Variants in ALS2 observed in about 807,000 individuals in gnomAD.
ALS2 encodes the protein alsin.
Under a neutral mutation model 203.4 loss-of-function variants are expected in ALS2, and 117 were observed. That is an observed-to-expected ratio of 0.58 (90% CI 0.50 to 0.67). The LOEUF (loss-of-function observed/expected upper bound fraction) is 0.67. ALS2 is among the 30% of genes least tolerant of loss of function. The pLI is 0.00. For synonymous variants in ALS2, 718 were observed against 725.9 expected (o/e 0.99, Z 0.17); for missense variants, 1,715 against 1,989.4 (o/e 0.86, Z 2.62).
At chr2:201,743,380 T>A (rs956630773) in intron 10 of ALS2, among the ~76,000 whole-genome samples, 3 of 152,194 alleles carry the variant, frequency 2.0e-5, no homozygotes, top group African/African-American at 7.2e-5. Flanking sequence ...CATCTAGTAC[T>A]ACTGTAACCC....
chr2:201,727,844 C>G, intron 15 of ALS2, 69 bp from the exon 16 acceptor site: 1 of 1,407,402 alleles, frequency 7.1e-7, no homozygotes, highest in Non-Finnish European at 9.8e-7. Flanking sequence ...GCCCATATCC[C>G]CTTCATGTCA....
Position 201,754,536 on chromosome 2 carries a change from T to C in ALS2, c.1607A>G (p.Glu536Gly). 6.2e-7 allele frequency: 1 copy of C among 1,614,110 alleles called. No individual in the cohort carries two copies. The highest frequency in any genetic ancestry group is 8.5e-7 in the Non-Finnish European group (1 of 1,179,996). ...TEVWTWGKGK[E>G]GQLGHGDVLP... ...AACATCGCCGTGCCCCAGCTGCCCT[T>C]CCTTCCCTTTCCCCCAGGTCCACAC... is the stretch of plus-strand genomic sequence containing the variant. The change falls in exon 6 of 34, where the codon GAA (glutamate) becomes GGA (glycine). Residue 536 changes from glutamate (E) to glycine (G), a missense_variant. Coordinates refer to ENST00000264276, the MANE Select transcript of ALS2 (RefSeq NM_020919.4).
chr2:201,710,444 A>AG (rs1689968157), intron 26 of ALS2, among the ~76,000 whole-genome samples: 1 of 151,648 alleles, frequency 6.6e-6, no homozygotes, highest in Non-Finnish European at 1.5e-5. Flanking sequence ...AAAAAAAAAA[A>AG]AGAATACAAA....
Position 201,753,169 on chromosome 2 carries a change from G to A in ALS2, c.1714C>T (p.Leu572Phe). Reference protein sequence around the residue: ...IHLEAGGYHSLALTAKSQVYS... With the variant: ...IHLEAGGYHSFALTAKSQVYS... Reference sequence around the variant, plus strand: ...ACCTGGGATTTCGCAGTAAGTGCAAGAGAATGGTAACCACCTGCCTCCAGA... The same window carrying A: ...ACCTGGGATTTCGCAGTAAGTGCAAAAGAATGGTAACCACCTGCCTCCAGA... The change falls in exon 7 of 34, where the codon CTT becomes TTT. Residue 572 changes from leucine (L) to phenylalanine (F), a missense_variant. Transcript: ENST00000264276. 1 of 1,614,130 alleles carries A rather than the reference G, an allele frequency of 6.2e-7. No individual in the cohort carries two copies. Among genetic ancestry groups the A allele is most frequent in the Non-Finnish European group, 8.5e-7 (1 of 1,179,980 alleles).
chr2:201,733,191 C>A lies in ALS2; in HGVS notation c.2580+85G>T, dbSNP rs949596383. Reference sequence around the variant, plus strand: ...AGGTAAATATTAAATTACTGGAGTTCCAGATCTTGTGGTGGCATAATCCAT... The same window carrying A: ...AGGTAAATATTAAATTACTGGAGTTACAGATCTTGTGGTGGCATAATCCAT... On this transcript the variant is annotated intron_variant, in intron 13 of 33. Transcript: ENST00000264276. 4.3e-6 allele frequency: 6 copies of A among 1,395,752 alleles called. No individual in the cohort carries two copies. In the African/African-American group the frequency reaches 4.3e-5, roughly 10 times the overall value. 86.5% of individuals were successfully genotyped at this position (1,395,752 alleles called of 1,614,324 possible).
intron 10 of ALS2, among the ~76,000 whole-genome samples, chr2:201,742,403 T>G (rs1981725): frequency 0.55 from 83,410 of 152,112 alleles, 25,486 homozygotes; most frequent in Admixed American, 0.7. Context: ...ATTTCAGAGA[T>G]GGCACCAGGA....
intron 7 of ALS2, 45 bp from the exon 8 acceptor site, chr2:201,749,834 T>C (rs745745765): frequency 6.8e-7 from 1 of 1,469,756 alleles, no homozygotes. Flanking sequence ...GTGAATCTGA[T>C]TTTGCACATC....
At chr2:201,727,634 T>C (rs937948977) in intron 16 of ALS2, 71 bp downstream of exon 16, 12 of 1,388,450 alleles carry the variant, frequency 8.6e-6, no homozygotes, top group Non-Finnish European at 1.0e-5. Context: ...CTGAGCTTTT[T>C]TTCACATTTA....
chr2:201,722,173 A>G (rs970768775), intron 23 of ALS2: 2 of 152,238 alleles, frequency 1.3e-5, no homozygotes, highest in African/African-American at 4.8e-5. Flanking sequence ...ACAAAATTTT[A>G]GAAATAGGCC....
chr2:201,722,511 T>C (rs1231225098), intron 23 of ALS2: 1 of 152,806 alleles, frequency 6.5e-6, no homozygotes, highest in South Asian at 2.1e-4. Context: ...TGAAAACATA[T>C]GTCTACACAA....
intron 1 of ALS2, among the ~76,000 whole-genome samples, chr2:201,777,377 C>CAA (rs774307308): frequency 1.1e-4 from 17 of 152,032 alleles, no homozygotes; most frequent in East Asian, 9.6e-4. Flanking sequence ...ACATTCCTTT[C>CAA]TTATTGCAGG....
intron 1 of ALS2, among the ~76,000 whole-genome samples, chr2:201,772,299 C>CAAT (rs1694429247): frequency 6.6e-6 from 1 of 151,580 alleles, no homozygotes; most frequent in Non-Finnish European, 1.5e-5. Context: ...ACAACAACAA[C>CAAT]AATCTAGTCT....
chr2:201,704,658 T>C (rs1309548795), intron 31 of ALS2, 55 bp from the exon 32 acceptor site: 1 of 1,603,102 alleles, frequency 6.2e-7, no homozygotes, highest in African/African-American at 1.3e-5. Flanking sequence ...ATAAAGCCAT[T>C]TGATCGTGCT....
At chr2:201,771,539 T>C (rs746331752) in intron 1 of ALS2, among the ~76,000 whole-genome samples, 1 of 152,206 alleles carries the variant, frequency 6.6e-6, no homozygotes, top group Non-Finnish European at 1.5e-5. Flanking sequence ...TATACTTAAG[T>C]AAGGGTGGTA....
chr2:201,716,281 C>T (rs946048009), intron 24 of ALS2, among the ~76,000 whole-genome samples: 6 of 151,442 alleles, frequency 4.0e-5, no homozygotes, highest in South Asian at 4.2e-4. Context: ...TGGTGGCTCA[C>T]GCCTGTAATC....
rs990015816 is a variant in ALS2 at position 201,748,520 on chromosome 2, CTT to C, written c.1815+1190_1815+1191del. Among the ~76,000 whole-genome samples, 9 of 152,278 alleles carry C rather than the reference CTT, an allele frequency of 5.9e-5. 1 individual carries two copies. The highest frequency in any genetic ancestry group is 1.9e-4 in the African/African-American group (8 of 41,572). ...CTAAAATCTTGTAACAAACTATTCTCTTGTTTGCTCTAAAATGTTAAAAAGGA... is the reference window on the plus strand; with the variant it reads ...CTAAAATCTTGTAACAAACTATTCTCGTTTGCTCTAAAATGTTAAAAAGGA... On this transcript the variant is annotated intron_variant, in intron 8 of 33. Transcript: ENST00000264276.
In ALS2 at chr2:201,710,040, T is replaced by C. The variant is rs1213175712; in HGVS notation, c.4123-2A>G. The C allele has an allele frequency of 1.2e-5, 20 of 1,613,780 alleles. No individual in the cohort carries two copies. Among genetic ancestry groups the C allele is most frequent in the Non-Finnish European group, 1.6e-5 (19 of 1,179,774 alleles). On this transcript the variant is annotated splice_acceptor_variant, in intron 26 of 33. Transcript: ENST00000264276. LOFTEE classifies it high-confidence loss of function. ...GGGGTGCAGAGGAGTGTCACAGGCC[T>C]GAGTAGGAAAAGAATCAATGAAGTC... is the stretch of plus-strand genomic sequence containing the variant.
At chr2:201,760,569 G>T in intron 4 of ALS2, 1 of 1,148,724 alleles carries the variant, frequency 8.7e-7, no homozygotes, top group Non-Finnish European at 1.1e-6. Context: ...ACTATTCAGG[G>T]CCCACCAAAA....
chr2:201,765,865 T>C (rs998106987), intron 3 of ALS2: 5 of 167,116 alleles, frequency 3.0e-5, no homozygotes, highest in African/African-American at 1.2e-4. Context: ...TTCAGCCAAG[T>C]GGCTTTAAAA....
Sources: allele counts gnomAD v4.1 joint callset (sites outside exome capture counted in the v4.1 genomes callset), GRCh38; gene constraint gnomAD v4.1.1; transcripts MANE v1.5; gene names NCBI Gene and HGNC (gene_info 2026-07-23, HGNC 2026-07-21).